GHR: variants seen among roughly 807,000 people sequenced by gnomAD.
The protein encoded by GHR is growth hormone receptor.
A neutral mutation model predicts 67.1 loss-of-function variants in GHR; 35 were observed. The observed-to-expected ratio is 0.52, with a 90% CI of 0.40 to 0.69. The LOEUF (loss-of-function observed/expected upper bound fraction) is 0.69, where lower values mean the gene tolerates loss of function less well. Ranked by LOEUF, GHR falls within the 30% of genes least tolerant of loss-of-function variation. The pLI, the probability that GHR is intolerant of heterozygous loss-of-function variation, is 0.00. For missense variants in GHR, 792 were observed against 764.6 expected, an observed-to-expected ratio of 1.04 and a Z score of -0.42; for synonymous variants, 272 against 269.1, an observed-to-expected ratio of 1.01 and a Z score of -0.10.
At chr5:42,570,230 G>T (rs959516188) in intron 2 of GHR, among the ~76,000 whole-genome samples, 4 of 152,126 alleles carry the variant, frequency 2.6e-5, no homozygotes, top group African/African-American at 9.7e-5. Context: ...TGAAGGTGGG[G>T]AAAAAAGCCA....
chr5:42,451,255 C>T (rs958639263), intron 1 of GHR, among the ~76,000 whole-genome samples: 1 of 152,120 alleles, frequency 6.6e-6, no homozygotes, highest in African/African-American at 2.4e-5. Flanking sequence ...TATTATGTTA[C>T]TGTCTATCTT....
In GHR at chr5:42,593,773, T is replaced by A. The variant is rs142744165; in HGVS notation, c.70+27829T>A. Among the ~76,000 whole-genome samples, 599 of 152,344 alleles carry A rather than the reference T, an allele frequency of 3.9e-3. 4 individuals carry two copies. The highest frequency in any genetic ancestry group is 0.014 in the African/African-American group (578 of 41,576). ...CCAAACCTAACTTCCTCATTTGAAT[T>A]GAGTATGCTAATAACTATTCTTGAG... On this transcript the variant is annotated intron_variant, in intron 2 of 9. Coordinates refer to ENST00000230882, the MANE Select transcript of GHR (RefSeq NM_000163.5).
At chr5:42,658,499 A>G (rs1212372541) in intron 3 of GHR, among the ~76,000 whole-genome samples, 1 of 152,236 alleles carries the variant, frequency 6.6e-6, no homozygotes, top group Non-Finnish European at 1.5e-5. Flanking sequence ...TCAATCAATC[A>G]TGGTTAAAAA....
At chr5:42,585,321 T>C (rs1334826218) in intron 2 of GHR, among the ~76,000 whole-genome samples, 2 of 152,252 alleles carry the variant, frequency 1.3e-5, no homozygotes, top group Admixed American at 1.3e-4. Flanking sequence ...AGACAAACAC[T>C]AAACTGTTAC....
In GHR at chr5:42,475,564, C is replaced by T. The variant is rs186374412; in HGVS notation, c.-12+51609C>T. Among the ~76,000 whole-genome samples, 219 of 151,710 alleles carry T rather than the reference C, an allele frequency of 1.4e-3. 1 individual carries two copies. Among genetic ancestry groups the T allele is most frequent in the Non-Finnish European group, 2.6e-3 (174 of 67,968 alleles). ...GTTGGGTGGCATTAAAGTGGTCATG[C>T]GCATTTTGTATTTGTAATTATGTAT... On this transcript the variant is annotated intron_variant, in intron 1 of 9. Coordinates refer to ENST00000230882, the MANE Select transcript of GHR (RefSeq NM_000163.5).
intron 2 of GHR, among the ~76,000 whole-genome samples, chr5:42,582,432 A>T (rs1007723514): frequency 6.6e-6 from 1 of 152,242 alleles, no homozygotes; most frequent in African/African-American, 2.4e-5. Flanking sequence ...ACTCGGGCAG[A>T]TGTCGGGATG....
rs1744680040 is a variant in GHR at position 42,465,368 on chromosome 5, G to A, written c.-12+41413G>A. On this transcript the variant is annotated intron_variant, in intron 1 of 9. Transcript: ENST00000230882. ...ATTACCCACCAGTAAGAGAAAGTTA[G>A]GTTAAGGGTATAAAGGGATTGAAGA... 4 of 968,260 alleles carry A rather than the reference G, an allele frequency of 4.1e-6. No individual in the cohort carries two copies. The East Asian group carries it at 9.5e-5, about 23-fold the overall frequency. The allele number at this position is 968,260 out of a possible 1,614,324, so 60.0% of individuals were successfully genotyped here.
chr5:42,655,067 A>C (rs1260082240), intron 3 of GHR, among the ~76,000 whole-genome samples: 2 of 152,034 alleles, frequency 1.3e-5, no homozygotes, highest in Non-Finnish European at 2.9e-5. Context: ...GCCATTCCTC[A>C]TTCTCCTATA....
chr5:42,628,131 C>G (rs1288086799), intron 2 of GHR, among the ~76,000 whole-genome samples: 1 of 152,178 alleles, frequency 6.6e-6, no homozygotes, highest in Non-Finnish European at 1.5e-5. Flanking sequence ...ATTTCACCAT[C>G]TGTCTGCTGG....
At chr5:42,640,837 C>G (rs1338152680) in intron 3 of GHR, among the ~76,000 whole-genome samples, 2 of 151,850 alleles carry the variant, frequency 1.3e-5, no homozygotes, top group East Asian at 3.9e-4. Context: ...AATTTTGCGT[C>G]CTGAAAGACC....
chr5:42,636,124 G>A (rs1391816934), intron 3 of GHR, among the ~76,000 whole-genome samples: 1 of 150,776 alleles, frequency 6.6e-6, no homozygotes, highest in Non-Finnish European at 1.5e-5. Flanking sequence ...GCAGGAGAAT[G>A]GCGTGAACCC....
chr5:42,646,794 C>T (rs1460610442), intron 3 of GHR, among the ~76,000 whole-genome samples: 4 of 152,148 alleles, frequency 2.6e-5, no homozygotes, highest in Admixed American at 1.3e-4. Flanking sequence ...ATAGTCACCA[C>T]CAGCATGCTA....
At chr5:42,609,641 T>C (rs747234435) in intron 2 of GHR, among the ~76,000 whole-genome samples, 18 of 152,150 alleles carry the variant, frequency 1.2e-4, no homozygotes, top group Admixed American at 1.1e-3. Context: ...CCTCATTGAT[T>C]TCATAGACAC....
At chr5:42,607,566 C>G (rs1462780270) in intron 2 of GHR, among the ~76,000 whole-genome samples, 1 of 152,092 alleles carries the variant, frequency 6.6e-6, no homozygotes, top group Non-Finnish European at 1.5e-5. Context: ...CAGCAAATAA[C>G]AAGGCAACAT....
At chr5:42,465,192 A>C (rs1428681041) in intron 1 of GHR, among the ~76,000 whole-genome samples, 1 of 152,240 alleles carries the variant, frequency 6.6e-6, no homozygotes, top group Non-Finnish European at 1.5e-5. Flanking sequence ...AGAGTTGACA[A>C]GTAGAATAGC....
intron 6 of GHR, among the ~76,000 whole-genome samples, chr5:42,704,634 G>A (rs560695195): frequency 3.3e-5 from 5 of 152,002 alleles, no homozygotes; most frequent in East Asian, 1.9e-4. Context: ...TTGGTGTTCC[G>A]GTGAAGCTTC....
At chr5:42,502,437 T>C (rs1390416189) in intron 1 of GHR, among the ~76,000 whole-genome samples, 2 of 152,228 alleles carry the variant, frequency 1.3e-5, no homozygotes, top group African/African-American at 4.8e-5. Context: ...TTGTTTGCTC[T>C]TTATAACACA....
intron 3 of GHR, among the ~76,000 whole-genome samples, chr5:42,665,421 A>G (rs1161877366): frequency 6.6e-6 from 1 of 152,194 alleles, no homozygotes; most frequent in African/African-American, 2.4e-5. Context: ...GCAGCCATAA[A>G]AATGATGAGT....
intron 2 of GHR, among the ~76,000 whole-genome samples, chr5:42,583,399 T>C (rs557108183): frequency 4.4e-4 from 67 of 152,354 alleles, no homozygotes; most frequent in African/African-American, 1.6e-3. Context: ...TGACAATTGC[T>C]ATTGCCAAAC....
Sources: allele counts gnomAD v4.1 joint callset (sites outside exome capture counted in the v4.1 genomes callset), GRCh38; gene constraint gnomAD v4.1.1; transcripts MANE v1.5; gene names NCBI Gene and HGNC (gene_info 2026-07-23, HGNC 2026-07-21).